PPARGC1A: variants seen among roughly 807,000 people sequenced by gnomAD.
PPARGC1A encodes the protein peroxisome proliferator-activated receptor gamma coactivator 1-alpha.
Under a neutral mutation model 88.7 loss-of-function variants are expected in PPARGC1A, and 25 were observed. The observed-to-expected ratio is 0.28, with a 90% CI of 0.21 to 0.39. PPARGC1A has a LOEUF of 0.39. Among genes scored for constraint, PPARGC1A ranks in the 10% least tolerant of loss-of-function variants. The probability of loss-of-function intolerance (pLI) is 1.00; values close to 1 mark genes in which losing one functional copy is unlikely to be tolerated. For synonymous variants in PPARGC1A, 363 were observed against 355.6 expected, an observed-to-expected ratio of 1.02 and a Z score of -0.24; for missense variants, 880 against 968.7, an observed-to-expected ratio of 0.91 and a Z score of 1.22.
At chr4:24,067,437 C>T in the PPARGC1A span, among the ~76,000 whole-genome samples, 23 of 152,302 alleles carry the variant, frequency 1.5e-4, 1 homozygote, top group East Asian at 3.7e-3. Context: ...CTCAAATATA[C>T]TTCCAGTAGG....
the PPARGC1A span, among the ~76,000 whole-genome samples, chr4:24,406,076 T>A: frequency 1.3e-5 from 2 of 152,180 alleles, no homozygotes; most frequent in African/African-American, 4.8e-5. Flanking sequence ...GGGCTCTTTG[T>A]CCATGGGAAA....
the PPARGC1A span, among the ~76,000 whole-genome samples, chr4:24,381,723 T>C: frequency 6.6e-6 from 1 of 152,240 alleles, no homozygotes; most frequent in Non-Finnish European, 1.5e-5. Context: ...AATAACGTGG[T>C]ACCAGGAATG....
At chr4:24,037,429 C>T in the PPARGC1A span, among the ~76,000 whole-genome samples, 1 of 152,156 alleles carries the variant, frequency 6.6e-6, no homozygotes, top group Non-Finnish European at 1.5e-5. Context: ...CTTCATTTGA[C>T]TCATTTCAGA....
chr4:24,273,060 A>G, the PPARGC1A span, among the ~76,000 whole-genome samples: 1 of 152,236 alleles, frequency 6.6e-6, no homozygotes, highest in African/African-American at 2.4e-5. Flanking sequence ...TTAATCGAAC[A>G]TTCATTGGAA....
At chr4:24,020,539 C>T in the PPARGC1A span, among the ~76,000 whole-genome samples, 4 of 152,180 alleles carry the variant, frequency 2.6e-5, no homozygotes, top group Non-Finnish European at 5.9e-5. Context: ...CAAGACAATG[C>T]TTCACAGGTT....
the PPARGC1A span, among the ~76,000 whole-genome samples, chr4:24,132,681 G>C: frequency 6.6e-6 from 1 of 152,154 alleles, no homozygotes; most frequent in Non-Finnish European, 1.5e-5. Flanking sequence ...AAACCTTCCT[G>C]CGATTTAAAG....
chr4:23,991,024 G>A, the PPARGC1A span, among the ~76,000 whole-genome samples: 2 of 151,980 alleles, frequency 1.3e-5, no homozygotes, highest in Non-Finnish European at 2.9e-5. Flanking sequence ...ATGTTTAAAT[G>A]TAGTTTTCAC....
At chr4:24,406,538 G>A in the PPARGC1A span, among the ~76,000 whole-genome samples, 3 of 152,272 alleles carry the variant, frequency 2.0e-5, no homozygotes, top group South Asian at 2.1e-4. Context: ...ATAACTAAAC[G>A]TCAATGCTAG....
At chr4:24,044,392 A>C in the PPARGC1A span, among the ~76,000 whole-genome samples, 1 of 152,200 alleles carries the variant, frequency 6.6e-6, no homozygotes, top group East Asian at 1.9e-4. Flanking sequence ...GATGCCTGCA[A>C]GCACAGCAAA....
the PPARGC1A span, among the ~76,000 whole-genome samples, chr4:24,275,762 C>A: frequency 6.6e-6 from 1 of 152,232 alleles, no homozygotes; most frequent in East Asian, 1.9e-4. Flanking sequence ...TCTTTAACAA[C>A]TCCATTCCCA....
At chr4:23,823,904 T>C (rs1217053732) in intron 7 of PPARGC1A, among the ~76,000 whole-genome samples, 2 of 152,150 alleles carry the variant, frequency 1.3e-5, no homozygotes, top group Admixed American at 1.3e-4. Context: ...TCTTGTTTAA[T>C]GTACTGTTCC....
rs376359231 is a variant in PPARGC1A, at chr4:23,872,621, C to G, written c.234+12131G>C. Among the ~76,000 whole-genome samples the G allele has an allele frequency of 8.5e-5, 13 of 152,160 alleles. No homozygotes were observed. The East Asian group carries it at 9.7e-4, about 11-fold the overall frequency. On this transcript the variant is annotated intron_variant, in intron 2 of 12. Coordinates refer to ENST00000264867, the MANE Select transcript of PPARGC1A (RefSeq NM_013261.5). Reference sequence around the variant, plus strand: ...CAGACAGATGGAGAAATTCCCTGCTCTACTTCCTCAAACAGACAGCTTATC... The same window carrying G: ...CAGACAGATGGAGAAATTCCCTGCTGTACTTCCTCAAACAGACAGCTTATC...
At chr4:24,083,899 C>G in the PPARGC1A span, among the ~76,000 whole-genome samples, 1 of 152,202 alleles carries the variant, frequency 6.6e-6, no homozygotes, top group East Asian at 1.9e-4. Flanking sequence ...GTCATGTGGC[C>G]ATAGCTAAGT....
chr4:23,824,514 G>GA lies in PPARGC1A; in HGVS notation c.758-7dup, dbSNP rs541724886. 0.01 allele frequency: 13,518 copies of GA among 1,334,238 alleles called. 7 individuals are homozygous for GA. Among genetic ancestry groups the GA allele is most frequent in the African/African-American group, 0.019 (1,251 of 65,648 alleles). 82.6% of individuals were successfully genotyped at this position (1,334,238 alleles called of 1,614,324 possible). A position where few individuals can be genotyped will look rare whatever the true frequency, so the allele number is the denominator to read the frequency against. On this transcript the variant is annotated splice_polypyrimidine_tract_variant and splice_region_variant and intron_variant, in intron 5 of 12. Transcript: ENST00000264867. ...AGATAAAGTTGTTGGTTTGGCTAAA[G>GA]AAAAAAAAAAGAAACTAATTATGTA...
At chr4:24,083,920 C>T in the PPARGC1A span, among the ~76,000 whole-genome samples, 194 of 152,322 alleles carry the variant, frequency 1.3e-3, no homozygotes, top group Non-Finnish European at 2.4e-3. Flanking sequence ...GTCAATCACT[C>T]GTCCAAGTGC....
At chr4:24,066,624 T>C in the PPARGC1A span, among the ~76,000 whole-genome samples, 3 of 152,092 alleles carry the variant, frequency 2.0e-5, no homozygotes, top group South Asian at 6.2e-4. Flanking sequence ...CAGAAGTAAA[T>C]CCCCAGGCTC....
the PPARGC1A span, among the ~76,000 whole-genome samples, chr4:24,217,958 AC>A: frequency 6.6e-6 from 1 of 152,228 alleles, no homozygotes; most frequent in African/African-American, 2.4e-5. Flanking sequence ...TAATATTTAT[AC>A]AAAAATCACA....
At chr4:24,079,165 T>A in the PPARGC1A span, among the ~76,000 whole-genome samples, 1 of 152,168 alleles carries the variant, frequency 6.6e-6, no homozygotes, top group South Asian at 2.1e-4. Flanking sequence ...AGAATAATAT[T>A]AAGTCAAGTA....
chr4:23,802,445 C>A, intron 10 of PPARGC1A, 100 bp from the exon 11 acceptor site: 1 of 1,425,992 alleles, frequency 7.0e-7, no homozygotes, highest in South Asian at 1.3e-5. Flanking sequence ...TTTGGGAGGC[C>A]GAGGCAGGTG....
Sources: gnomAD v4.1 joint callset for allele counts (sites outside exome capture counted in the v4.1 genomes callset) on GRCh38, gnomAD v4.1.1 for gene constraint, MANE v1.5 for transcripts, NCBI Gene and HGNC (gene_info 2026-07-23, HGNC 2026-07-21) for gene names.